NMNAT1: variants seen among roughly 807,000 people sequenced by gnomAD.
NMNAT1 encodes the protein nicotinamide nucleotide adenylyltransferase 1.
Under a neutral mutation model 16.7 loss-of-function variants are expected in NMNAT1, and 11 were observed. The observed-to-expected ratio is 0.66, with a 90% CI of 0.41 to 1.09. The LOEUF is 1.09. Ranked by LOEUF, NMNAT1 falls within the 50% of genes least tolerant of loss-of-function variation. The pLI, the probability that NMNAT1 is intolerant of heterozygous loss-of-function variation, is 0.00. For missense variants in NMNAT1, 280 were observed against 332.3 expected (o/e 0.84, Z 1.22); for synonymous variants, 110 against 119.8 (o/e 0.92, Z 0.53).
At chr1:9,957,798 T>A (rs951681305) in intron 1 of NMNAT1, among the ~76,000 whole-genome samples, 3 of 151,616 alleles carry the variant, frequency 2.0e-5, no homozygotes, top group African/African-American at 7.3e-5. Context: ...AGTTTTCAGA[T>A]TTTTTTTTAG....
intron 2 of NMNAT1, among the ~76,000 whole-genome samples, chr1:9,973,875 T>A (rs1448371395): frequency 1.3e-5 from 2 of 148,732 alleles, no homozygotes; most frequent in Non-Finnish European, 3.0e-5. Context: ...TCTCGCTCTG[T>A]CGCCCAGGCT....
chr1:9,982,234 C>G, intron 4 of NMNAT1, 67 bp from the exon 5 acceptor site: 1 of 1,521,048 alleles, frequency 6.6e-7, no homozygotes, highest in Non-Finnish European at 8.8e-7. Context: ...AAGTAAACCC[C>G]TTTCCACTTG....
intron 1 of NMNAT1, among the ~76,000 whole-genome samples, chr1:9,961,604 A>G (rs1641409764): frequency 6.6e-6 from 1 of 152,162 alleles, no homozygotes; most frequent in African/African-American, 2.4e-5. Flanking sequence ...ATGGTATGAT[A>G]CTTTTGATGG....
intron 4 of NMNAT1, chr1:9,981,527 G>T (rs57321792): frequency 3.8e-5 from 7 of 185,012 alleles, no homozygotes; most frequent in Non-Finnish European, 6.8e-5. Flanking sequence ...GAGCCACAGC[G>T]CCTGGGCCTT....
chr1:9,982,283 C>G lies in NMNAT1; in HGVS notation c.440-18C>G. On this transcript the variant is annotated intron_variant, in intron 4 of 4. Transcript: ENST00000377205. ...GGAAGAAAAAGCATACCCCAAAGCT[C>G]TGTTTTATTCTTCCCAGCTGTGCCA... 1.9e-6 allele frequency: 3 copies of G among 1,591,416 alleles called. No individual in the cohort carries two copies. The highest frequency in any genetic ancestry group is 2.6e-6 in the Non-Finnish European group (3 of 1,168,412).
intron 1 of NMNAT1, among the ~76,000 whole-genome samples, chr1:9,944,019 C>T (rs1262541724): frequency 6.6e-6 from 1 of 152,102 alleles, no homozygotes; most frequent in Non-Finnish European, 1.5e-5. Flanking sequence ...CTTTGGGAGG[C>T]CGAGGCAGGC....
intron 4 of NMNAT1, 110 bp from the exon 5 acceptor site, chr1:9,982,191 G>A (rs1191078685): frequency 1.0e-5 from 14 of 1,384,758 alleles, no homozygotes; most frequent in Middle Eastern, 2.6e-4. Context: ...AAGCACATAC[G>A]TATCTTCATT....
the NMNAT1 span, among the ~76,000 whole-genome samples, chr1:9,994,885 T>C: frequency 1.3e-5 from 2 of 152,178 alleles, no homozygotes; most frequent in Non-Finnish European, 2.9e-5. Flanking sequence ...GTGCTGGGAT[T>C]ACAGGCTTGA....
intron 1 of NMNAT1, among the ~76,000 whole-genome samples, chr1:9,958,720 G>A (rs1641329564): frequency 2.0e-5 from 3 of 152,064 alleles, no homozygotes; most frequent in Admixed American, 2.0e-4. Context: ...TTAGAGGTGT[G>A]AGCCACTGCT....
upstream of NMNAT1, chr1:9,943,161 G>A (rs1640850097): frequency 4.0e-5 from 7 of 175,812 alleles, no homozygotes; most frequent in South Asian, 7.6e-4. Flanking sequence ...CGGCACGTAG[G>A]TCCCGCGGCG....
rs572944161 is a variant in NMNAT1, at chr1:9,947,967, C to A, written c.-57+4452C>A. 1.1e-3 allele frequency among the ~76,000 whole-genome samples: 174 copies of A among 152,286 alleles called. 3 individuals are homozygous for A. The highest frequency in any genetic ancestry group is 0.01 in the Middle Eastern group (3 of 294). ...AAAGCCCTGCAGTGGTTGATGAGGTCTAGAGAATGTGTTGTTTCTAAATAA... is the reference window on the plus strand; with the variant it reads ...AAAGCCCTGCAGTGGTTGATGAGGTATAGAGAATGTGTTGTTTCTAAATAA... On this transcript the variant is annotated intron_variant, in intron 1 of 4. Transcript: ENST00000377205.
chr1:9,974,881 G>A (rs1424101923), intron 2 of NMNAT1, among the ~76,000 whole-genome samples: 1 of 152,100 alleles, frequency 6.6e-6, no homozygotes, highest in Non-Finnish European at 1.5e-5. Flanking sequence ...ATGGATGGAT[G>A]GATGCTAAAG....
chr1:9,957,545 C>A (rs549077498), intron 1 of NMNAT1, among the ~76,000 whole-genome samples: 8 of 152,172 alleles, frequency 5.3e-5, no homozygotes, highest in African/African-American at 1.9e-4. Flanking sequence ...CACGCCTCGG[C>A]TTCCCAAAGT....
rs1337724897 is a variant in NMNAT1 at position 9,982,761 on chromosome 1, TA to T, written c.*62del. 4 of 1,484,710 alleles carry T rather than the reference TA, an allele frequency of 2.7e-6. No homozygotes were observed. In the African/African-American group the frequency reaches 5.6e-5, roughly 21 times the overall value. 92.0% of individuals were successfully genotyped at this position (1,484,710 alleles called of 1,614,324 possible). A position where few individuals can be genotyped will look rare whatever the true frequency, so the allele number is the denominator to read the frequency against. On this transcript the variant is annotated 3_prime_UTR_variant, in exon 5 of 5. Coordinates refer to ENST00000377205, the MANE Select transcript of NMNAT1 (RefSeq NM_022787.4). ...TGGGGATCTGAAACAATCTGGGAGT[TA>T]ATAACTGGGGAAAGAAGTTGTGATC... is the stretch of plus-strand genomic sequence containing the variant.
Position 9,975,648 on chromosome 1 carries a change from A to G in NMNAT1, c.172A>G (p.Lys58Glu). The G allele has an allele frequency of 6.2e-7, 1 of 1,614,054 alleles. No individual in the cohort carries two copies. Among genetic ancestry groups the G allele is most frequent in the Non-Finnish European group, 8.5e-7 (1 of 1,179,950 alleles). ...ISPVGDAYKKKGLIPAYHRVI... is the reference protein window; with the variant it reads ...ISPVGDAYKKEGLIPAYHRVI... The stretch of plus-strand genomic sequence containing the variant: ...TCCTGTTGGTGATGCCTACAAGAAG[A>G]AAGGACTCATTCCTGCCTATCACCG... The change falls in exon 3 of 5, where the codon AAA (lysine) becomes GAA (glutamate). Residue 58 changes from lysine (K) to glutamate (E), a missense_variant. Lys to Glu is a moderately conservative substitution (Grantham distance 56). Transcript: ENST00000377205.
chr1:9,961,600 T>A (rs573106713), intron 1 of NMNAT1, among the ~76,000 whole-genome samples: 74 of 152,318 alleles, frequency 4.9e-4, no homozygotes, highest in African/African-American at 1.6e-3. Context: ...AATCATGGTA[T>A]GATACTTTTG....
rs536769651 is a variant in NMNAT1, at chr1:9,959,093, C to T, written c.-56-12925C>T. ...CCATGGCATGTAAGAAAATCTTGGTCGGGCACAGTGGCTTAAGCCTGTAAT... is the reference window on the plus strand; with the variant it reads ...CCATGGCATGTAAGAAAATCTTGGTTGGGCACAGTGGCTTAAGCCTGTAAT... On this transcript the variant is annotated intron_variant, in intron 1 of 4. Coordinates refer to ENST00000377205, the MANE Select transcript of NMNAT1 (RefSeq NM_022787.4). Among the ~76,000 whole-genome samples, 9 of 152,120 alleles carry T rather than the reference C, an allele frequency of 5.9e-5. No homozygotes were observed. In the South Asian group the frequency reaches 6.2e-4, roughly 11 times the overall value.
At chr1:9,954,210 C>A (rs1641194035) in intron 1 of NMNAT1, among the ~76,000 whole-genome samples, 1 of 151,932 alleles carries the variant, frequency 6.6e-6, no homozygotes, top group Admixed American at 6.6e-5. Flanking sequence ...AGAATAGAGA[C>A]CAACTCTGTG....
downstream of NMNAT1, among the ~76,000 whole-genome samples, chr1:9,985,661 A>ATG (rs1232345802): frequency 6.6e-6 from 1 of 151,238 alleles, no homozygotes; most frequent in Non-Finnish European, 1.5e-5. Context: ...GTGTGTGTGT[A>ATG]TGTGTGTGTG....
Sources: allele counts gnomAD v4.1 joint callset (sites outside exome capture counted in the v4.1 genomes callset), GRCh38; gene constraint gnomAD v4.1.1; transcripts MANE v1.5; gene names NCBI Gene and HGNC (gene_info 2026-07-23, HGNC 2026-07-21).